RORA: variants seen among roughly 807,000 people sequenced by gnomAD.
RORA encodes the protein RAR related orphan receptor A, also known as nuclear receptor ROR-alpha.
RORA carries 7 observed loss-of-function variants against 69.5 expected under a neutral mutation model. The ratio of observed to expected loss-of-function variants is 0.10; its 90% CI spans 0.06 to 0.19. The LOEUF is 0.19. Among genes scored for constraint, RORA ranks in the 10% least tolerant of loss-of-function variants. The probability of loss-of-function intolerance (pLI) is 1.00; values close to 1 mark genes in which losing one functional copy is unlikely to be tolerated. For synonymous variants in RORA, 261 were observed against 240.8 expected (o/e 1.08, Z -0.78); for missense variants, 457 against 663.0 (o/e 0.69, Z 3.41).
chr15:60,930,821 CCAAT>C (rs1488483919), intron 1 of RORA, among the ~76,000 whole-genome samples: 4 of 152,238 alleles, frequency 2.6e-5, no homozygotes, highest in African/African-American at 9.6e-5. Flanking sequence ...GCAGAGATTC[CCAAT>C]CATTTATCTC....
At chr15:60,727,249 C>G (rs963395780) in intron 1 of RORA, among the ~76,000 whole-genome samples, 2 of 152,090 alleles carry the variant, frequency 1.3e-5, no homozygotes, top group Admixed American at 6.5e-5. Flanking sequence ...TGCCTCCTTC[C>G]CCTTCTTTGC....
chr15:61,123,757 G>A (rs138126478), intron 1 of RORA, among the ~76,000 whole-genome samples: 1 of 149,786 alleles, frequency 6.7e-6, no homozygotes, highest in Non-Finnish European at 1.5e-5. Flanking sequence ...TCCAGCAGAG[G>A]CCTAAGCCAG....
chr15:60,685,590 A>G (rs1567155350), intron 1 of RORA, among the ~76,000 whole-genome samples: 4 of 152,258 alleles, frequency 2.6e-5, no homozygotes, highest in Non-Finnish European at 1.5e-5. Context: ...GCCAAACAAA[A>G]TGATGTTACA....
chr15:61,053,706 C>T (rs1595922431), intron 1 of RORA, among the ~76,000 whole-genome samples: 1 of 151,456 alleles, frequency 6.6e-6, no homozygotes, highest in South Asian at 2.1e-4. Context: ...TTGCTTCTCC[C>T]TTTTCAAGGG....
At chr15:61,138,294 CTT>C (rs1466014149) in intron 1 of RORA, among the ~76,000 whole-genome samples, 1 of 152,028 alleles carries the variant, frequency 6.6e-6, no homozygotes, top group African/African-American at 2.4e-5. Context: ...GCATGAGACA[CTT>C]TTCAAAAAAG....
intron 2 of RORA, among the ~76,000 whole-genome samples, chr15:60,561,071 G>T (rs796625806): frequency 0.014 from 1,565 of 108,880 alleles, 27 homozygotes; most frequent in African/African-American, 0.05. Flanking sequence ...TTTTTTTTTT[G>T]TTTTGTTTTT....
chr15:60,838,424 G>C (rs973905186), intron 1 of RORA, among the ~76,000 whole-genome samples: 1 of 152,172 alleles, frequency 6.6e-6, no homozygotes, highest in Non-Finnish European at 1.5e-5. Context: ...GCCCCACTGA[G>C]GGTATGCTGT....
At chr15:60,757,966 G>A (rs2071826840) in intron 1 of RORA, among the ~76,000 whole-genome samples, 1 of 152,190 alleles carries the variant, frequency 6.6e-6, no homozygotes, top group South Asian at 2.1e-4. Context: ...GACATTGCTA[G>A]CAGATCTCTG....
intron 2 of RORA, chr15:60,592,926 T>A (rs753695033): frequency 8.8e-6 from 4 of 455,674 alleles, no homozygotes; most frequent in Non-Finnish European, 1.8e-5. Flanking sequence ...CCCGCTGGCT[T>A]GCCGGAGCAC....
chr15:61,153,210 T>G (rs1365748726), intron 1 of RORA, among the ~76,000 whole-genome samples: 1 of 152,138 alleles, frequency 6.6e-6, no homozygotes, highest in East Asian at 1.9e-4. Context: ...GGAGCTGGTC[T>G]CAATGTCATG....
intron 2 of RORA, among the ~76,000 whole-genome samples, chr15:60,640,859 A>G (rs759974457): frequency 5.3e-5 from 8 of 152,146 alleles, no homozygotes; most frequent in Non-Finnish European, 1.0e-4. Flanking sequence ...ACTTGTCACT[A>G]TGTGAAAGTA....
intron 2 of RORA, among the ~76,000 whole-genome samples, chr15:60,659,355 A>G (rs1017333969): frequency 4.6e-5 from 7 of 152,192 alleles, no homozygotes; most frequent in African/African-American, 1.7e-4. Flanking sequence ...CACTGCCCTG[A>G]GAAAACGTCC....
intron 2 of RORA, among the ~76,000 whole-genome samples, chr15:60,562,277 C>G (rs2067585462): frequency 6.6e-6 from 1 of 152,112 alleles, no homozygotes; most frequent in Non-Finnish European, 1.5e-5. Flanking sequence ...ACTCTGTCAC[C>G]CAGGCTGGAG....
At chr15:60,627,594 GTTGAC>G in intron 2 of RORA, 1 of 1,187,588 alleles carries the variant, frequency 8.4e-7, no homozygotes, top group Non-Finnish European at 1.1e-6. Flanking sequence ...TCCCATAATT[GTTGAC>G]TAAATTCCAA....
intron 2 of RORA, among the ~76,000 whole-genome samples, chr15:60,597,257 C>T (rs1460288468): frequency 6.6e-6 from 1 of 151,786 alleles, no homozygotes; most frequent in African/African-American, 2.4e-5. Context: ...CCATATATTT[C>T]ATACACCTAT....
chr15:60,590,267 A>G (rs1025163501), intron 2 of RORA, among the ~76,000 whole-genome samples: 11 of 151,756 alleles, frequency 7.2e-5, no homozygotes, highest in Admixed American at 5.9e-4. Context: ...TTCAAAGCAC[A>G]ATACTATGAA....
chr15:60,510,836 AAT>A (rs1284458934), intron 5 of RORA, among the ~76,000 whole-genome samples: 2 of 152,206 alleles, frequency 1.3e-5, no homozygotes, highest in Non-Finnish European at 2.9e-5. Context: ...TGGGCAAAAA[AAT>A]ATGTCTGTGG....
At chr15:60,505,455 C>A (rs2065468413) in intron 6 of RORA, 53 bp downstream of exon 6, 2 of 1,592,920 alleles carry the variant, frequency 1.3e-6, no homozygotes, top group South Asian at 1.1e-5. Context: ...CCTATACCAA[C>A]ACCCTTCCCA....
intron 1 of RORA, among the ~76,000 whole-genome samples, chr15:61,067,739 T>G (rs2078284829): frequency 6.6e-6 from 1 of 152,190 alleles, no homozygotes; most frequent in South Asian, 2.1e-4. Context: ...ACATATGTAC[T>G]GCTGCCAGGT....
Sources: allele counts gnomAD v4.1 joint callset (sites outside exome capture counted in the v4.1 genomes callset), GRCh38; gene constraint gnomAD v4.1.1; transcripts MANE v1.5; gene names NCBI Gene and HGNC (gene_info 2026-07-23, HGNC 2026-07-21).